The following GPHN variants were observed in gnomAD, a reference collection of about 807,000 sequenced individuals.
The protein encoded by GPHN is gephyrin.
GPHN carries 17 observed loss-of-function variants against 95.5 expected under a neutral mutation model. The observed-to-expected ratio is 0.18, with a 90% CI of 0.12 to 0.27. The LOEUF (loss-of-function observed/expected upper bound fraction) is 0.27. Among genes scored for constraint, GPHN ranks in the 10% least tolerant of loss-of-function variants. The pLI, the probability that GPHN is intolerant of heterozygous loss-of-function variation, is 1.00. For synonymous variants in GPHN, 320 were observed against 322.5 expected (o/e 0.99, Z 0.08); for missense variants, 660 against 978.1 (o/e 0.67, Z 4.34).
At chr14:66,736,403 T>C (rs200522502) in intron 2 of GPHN, among the ~76,000 whole-genome samples, 1,761 of 75,802 alleles carry the variant, frequency 0.023, 13 homozygotes, top group Admixed American at 0.03. Flanking sequence ...TTTTTTTTTC[T>C]TTTTTTTTTT....
At chr14:67,473,351 C>A in the GPHN span, 1 of 1,569,574 alleles carries the variant, frequency 6.4e-7, no homozygotes, top group African/African-American at 1.4e-5. This position sits in a 1 kb window ranked among gnomAD's most constrained non-coding sequence, Gnocchi z 6.5. Flanking sequence ...GATGGGGCAA[C>A]CTCACCAGCT....
the GPHN span, chr14:67,352,745 A>G: frequency 3.7e-6 from 2 of 537,614 alleles, no homozygotes; most frequent in Non-Finnish European, 6.5e-6. Context: ...GGCAAGATTA[A>G]AGAGTTTGGA....
At chr14:67,489,968 C>T in the GPHN span, among the ~76,000 whole-genome samples, 9 of 148,808 alleles carry the variant, frequency 6.0e-5, no homozygotes, top group African/African-American at 1.5e-4. Context: ...CCAGCCTGGG[C>T]GACAGAGCGA....
intron 2 of GPHN, among the ~76,000 whole-genome samples, chr14:66,731,101 GTTTCT>G (rs2071727953): frequency 6.6e-6 from 1 of 152,126 alleles, no homozygotes; most frequent in Non-Finnish European, 1.5e-5. Flanking sequence ...ATGATTTTAA[GTTTCT>G]TGAGGCCTCC....
At chr14:67,687,238 AAAGGCTTT>A in the GPHN span, among the ~76,000 whole-genome samples, 1 of 152,144 alleles carries the variant, frequency 6.6e-6, no homozygotes, top group Non-Finnish European at 1.5e-5. Flanking sequence ...CCCATTTTGA[AAAGGCTTT>A]AATTTTAACC....
chr14:67,392,586 G>A, the GPHN span: 2 of 1,373,742 alleles, frequency 1.5e-6, no homozygotes, highest in African/African-American at 1.4e-5. Context: ...CATGACTGTG[G>A]CCCCCAGGCC....
chr14:66,605,527 ATTT>A (rs59245552), intron 1 of GPHN, among the ~76,000 whole-genome samples: 1 of 116,426 alleles, frequency 8.6e-6, no homozygotes, highest in Non-Finnish European at 1.7e-5. Context: ...TCCTTTGCCG[ATTT>A]TTTTTTTTTT....
intron 2 of GPHN, among the ~76,000 whole-genome samples, chr14:66,770,498 C>G (rs10145550): frequency 6.6e-6 from 1 of 151,914 alleles, no homozygotes; most frequent in African/African-American, 2.4e-5. Flanking sequence ...TTAATGAAAC[C>G]TATAAACCAT....
chr14:67,265,564 G>C, the GPHN span, among the ~76,000 whole-genome samples: 1 of 150,568 alleles, frequency 6.6e-6, no homozygotes, highest in Non-Finnish European at 1.5e-5. Context: ...CTATTTAAAA[G>C]AAAAATAAAA....
the GPHN span, chr14:67,204,494 C>T: frequency 6.4e-7 from 1 of 1,561,532 alleles, no homozygotes; most frequent in South Asian, 1.2e-5. Flanking sequence ...TTATAAGCCT[C>T]CCATCAGGTC....
At chr14:67,632,750 A>G in the GPHN span, among the ~76,000 whole-genome samples, 1 of 149,852 alleles carries the variant, frequency 6.7e-6, no homozygotes, top group East Asian at 2.0e-4. Flanking sequence ...ATTATGAAAT[A>G]GAAGGAAGGA....
intron 8 of GPHN, among the ~76,000 whole-genome samples, chr14:66,955,883 C>T (rs1257424707): frequency 6.6e-6 from 1 of 152,248 alleles, no homozygotes; most frequent in Non-Finnish European, 1.5e-5. Flanking sequence ...AGGACATGAA[C>T]TCATCCTTTT....
intron 1 of GPHN, among the ~76,000 whole-genome samples, chr14:66,629,477 A>G (rs1329681549): frequency 6.6e-6 from 1 of 151,956 alleles, no homozygotes; most frequent in African/African-American, 2.4e-5. Flanking sequence ...ATACTGCCTG[A>G]AGGAACTGCC....
chr14:67,154,093 C>G (rs772557095), intron 18 of GPHN, among the ~76,000 whole-genome samples: 2 of 152,220 alleles, frequency 1.3e-5, no homozygotes, highest in Non-Finnish European at 2.9e-5. Flanking sequence ...GGCCCTGCAA[C>G]TCTGGCTTCT....
At chr14:66,898,655 A>G (rs960446345) in intron 5 of GPHN, among the ~76,000 whole-genome samples, 2 of 151,848 alleles carry the variant, frequency 1.3e-5, no homozygotes, top group Admixed American at 1.3e-4. Context: ...AAGTCTTGAA[A>G]TTGCATAGAC....
intron 1 of GPHN, among the ~76,000 whole-genome samples, chr14:66,662,720 G>A (rs4605098): frequency 0.33 from 49,915 of 152,138 alleles, 12,019 homozygotes; most frequent in African/African-American, 0.65. Context: ...GGAAGCTACA[G>A]ATCATGATAA....
chr14:67,230,525 T>C, the GPHN span, among the ~76,000 whole-genome samples: 1 of 152,058 alleles, frequency 6.6e-6, no homozygotes, highest in Non-Finnish European at 1.5e-5. Context: ...TGACCCATGA[T>C]CATGCCACTG....
intron 11 of GPHN, among the ~76,000 whole-genome samples, chr14:67,059,443 T>C (rs1344801470): frequency 6.6e-6 from 1 of 152,150 alleles, no homozygotes; most frequent in Non-Finnish European, 1.5e-5. Context: ...TTGTATTTAG[T>C]GCAATTTGAA....
the GPHN span, among the ~76,000 whole-genome samples, chr14:67,425,627 C>G: frequency 3.3e-5 from 5 of 152,160 alleles, no homozygotes; most frequent in Admixed American, 6.5e-5. Context: ...GCAGGTGAAC[C>G]AGTTGGGATG....
Sources: gnomAD v4.1 joint callset for allele counts (sites outside exome capture counted in the v4.1 genomes callset) on GRCh38, gnomAD v4.1.1 for gene constraint, Gnocchi (gnomAD v3.1) non-coding constraint, MANE v1.5 for transcripts, NCBI Gene and HGNC (gene_info 2026-07-23, HGNC 2026-07-21) for gene names.